Variants in CTXND2 observed in about 807,000 individuals in gnomAD.
CTXND2 encodes the protein cortexin domain containing 2.
intron 1 of CTXND2, among the ~76,000 whole-genome samples, chr1:150,910,630 ATTTTT>A (rs200364038): frequency 7.7e-6 from 1 of 129,884 alleles, no homozygotes; most frequent in Non-Finnish European, 1.6e-5. Flanking sequence ...TGGACTCTCA[ATTTTT>A]TTTTTTTTTT....
chr1:150,912,132 T>C, intron 1 of CTXND2, 110 bp from the exon 2 acceptor site: 1 of 391,418 alleles, frequency 2.6e-6, no homozygotes, highest in Non-Finnish European at 4.5e-6. Context: ...CTTAAGTAAA[T>C]CTTACTGATA....
intron 1 of CTXND2, among the ~76,000 whole-genome samples, chr1:150,896,004 A>C (rs1431349256): frequency 6.6e-6 from 1 of 152,184 alleles, no homozygotes; most frequent in Non-Finnish European, 1.5e-5. Context: ...CTGTCTGTTT[A>C]TAAGACTAGT....
At chr1:150,900,963 T>C (rs752317118) in intron 1 of CTXND2, among the ~76,000 whole-genome samples, 1 of 151,956 alleles carries the variant, frequency 6.6e-6, no homozygotes, top group Non-Finnish European at 1.5e-5. Flanking sequence ...TAAAAATAAA[T>C]TAGCTGCACA....
rs117639769 is a variant in CTXND2, at chr1:150,888,155, T to G, written c.-74+842T>G. ...AAAGTGTATTTCTCAAGAAAAGCTATTTTGCATAAGAATTAAATTTGTTGT... is the reference window on the plus strand; with the variant it reads ...AAAGTGTATTTCTCAAGAAAAGCTAGTTTGCATAAGAATTAAATTTGTTGT... On this transcript the variant is annotated intron_variant, in intron 1 of 1. Coordinates refer to ENST00000636087, the Ensembl canonical transcript of CTXND2. Among the ~76,000 whole-genome samples the G allele has an allele frequency of 1.1e-3, 172 of 152,114 alleles. 1 individual carries two copies. In the East Asian group the frequency reaches 0.03, roughly 27 times the overall value.
At chr1:150,894,600 C>G (rs1668890526) in intron 1 of CTXND2, among the ~76,000 whole-genome samples, 1 of 152,158 alleles carries the variant, frequency 6.6e-6, no homozygotes, top group Non-Finnish European at 1.5e-5. Flanking sequence ...GGTACAAGTG[C>G]AGATTTCTCA....
At chr1:150,898,921 C>CA (rs750129735) in intron 1 of CTXND2, among the ~76,000 whole-genome samples, 49,109 of 125,350 alleles carry the variant, frequency 0.39, 10,723 homozygotes, top group East Asian at 0.53. Flanking sequence ...ACTAAAAATA[C>CA]AAAAAAAAAA....
In CTXND2 at chr1:150,894,625, T is replaced by C. The variant is rs1462032230; in HGVS notation, c.-74+7312T>C. 2.6e-5 allele frequency among the ~76,000 whole-genome samples: 4 copies of C among 152,334 alleles called. No homozygotes were observed. In the East Asian group the frequency reaches 5.8e-4, roughly 22 times the overall value. On this transcript the variant is annotated intron_variant, in intron 1 of 1. Coordinates refer to ENST00000636087, the Ensembl canonical transcript of CTXND2. ...CAGATTTCTCACATGCATATATCAA[T>C]GTGGTAAAGTCTGGACTTTCAGTGT...
In CTXND2 at chr1:150,900,085, A is replaced by C. The variant is rs115530183; in HGVS notation, c.-73-12157A>C. Among the ~76,000 whole-genome samples the C allele has an allele frequency of 8.3e-3, 1,268 of 152,314 alleles. 25 individuals carry two copies. Among genetic ancestry groups the C allele is most frequent in the African/African-American group, 0.029 (1,220 of 41,570 alleles). ...AAAGCTGGCCGCCTGAGCCAGCAGC[A>C]GCAACCCGTTCGGGTCCCTTTCCAC... On this transcript the variant is annotated intron_variant, in intron 1 of 1. Transcript: ENST00000636087.
chr1:150,890,596 C>T (rs888892274), intron 1 of CTXND2, among the ~76,000 whole-genome samples: 2 of 152,088 alleles, frequency 1.3e-5, no homozygotes, highest in African/African-American at 4.8e-5. Context: ...CTCTGCCTCC[C>T]GGGTTCAAGC....
At chr1:150,910,120 GTTTT>G (rs1023134562) in intron 1 of CTXND2, among the ~76,000 whole-genome samples, 1 of 131,238 alleles carries the variant, frequency 7.6e-6, no homozygotes, top group Non-Finnish European at 1.7e-5. Flanking sequence ...TCTTTTTTCT[GTTTT>G]TTTTTTTTCT....
chr1:150,902,118 TTGGC>T (rs1669048613), intron 1 of CTXND2, among the ~76,000 whole-genome samples: 1 of 149,962 alleles, frequency 6.7e-6, no homozygotes, highest in Non-Finnish European at 1.5e-5. Flanking sequence ...ATACAAAAAT[TTGGC>T]TGGGCGCCGT....
rs587665450 is a variant in CTXND2, at chr1:150,888,372, C to A, written c.-74+1059C>A. Among the ~76,000 whole-genome samples, 18 of 151,786 alleles carry A rather than the reference C, an allele frequency of 1.2e-4. No individual in the cohort carries two copies. In the South Asian group the frequency reaches 3.3e-3, roughly 28 times the overall value. ...GGGACTACAGGCGTGCACCACCATG[C>A]CTGGCTAATTTTTTGTACTTTTTAG... On this transcript the variant is annotated intron_variant, in intron 1 of 1. Coordinates refer to ENST00000636087, the Ensembl canonical transcript of CTXND2.
chr1:150,905,865 C>G (rs1297262305), intron 1 of CTXND2, among the ~76,000 whole-genome samples: 1 of 152,046 alleles, frequency 6.6e-6, no homozygotes, highest in African/African-American at 2.4e-5. Flanking sequence ...TGGCAGGCAC[C>G]TGTAGTCCCA....
chr1:150,899,843 G>A (rs1161606686), intron 1 of CTXND2, among the ~76,000 whole-genome samples: 1 of 152,132 alleles, frequency 6.6e-6, no homozygotes, highest in Non-Finnish European at 1.5e-5. Flanking sequence ...GAAGCTATCT[G>A]GACTTCCTGG....
chr1:150,899,884 C>G (rs969715298), intron 1 of CTXND2, among the ~76,000 whole-genome samples: 2 of 152,134 alleles, frequency 1.3e-5, no homozygotes, highest in Admixed American at 1.3e-4. Flanking sequence ...ACTTTTCTGT[C>G]TAGCTAAAGG....
Position 150,891,036 on chromosome 1 carries a change from T to C in CTXND2, c.-74+3723T>C, listed in dbSNP as rs1234052318. Among the ~76,000 whole-genome samples the C allele has an allele frequency of 2.0e-5, 3 of 152,122 alleles. No homozygotes were observed. The East Asian group carries it at 5.8e-4, about 29-fold the overall frequency. On this transcript the variant is annotated intron_variant, in intron 1 of 1. Coordinates refer to ENST00000636087, the Ensembl canonical transcript of CTXND2. Reference sequence around the variant, plus strand: ...GATGAAGGTTGTACTGTTCATACCCTACACCCAAGAGAAGCAGCATGTTCC... The same window carrying C: ...GATGAAGGTTGTACTGTTCATACCCCACACCCAAGAGAAGCAGCATGTTCC...
intron 1 of CTXND2, among the ~76,000 whole-genome samples, chr1:150,909,907 G>C (rs587670006): frequency 6.6e-6 from 1 of 152,080 alleles, no homozygotes; most frequent in South Asian, 2.1e-4. Flanking sequence ...ACAATGTGTA[G>C]GAAAACAGGA....
chr1:150,901,494 A>G (rs1392908735), intron 1 of CTXND2, among the ~76,000 whole-genome samples: 1 of 152,246 alleles, frequency 6.6e-6, no homozygotes, highest in Admixed American at 6.5e-5. Flanking sequence ...ATTTCAAAAC[A>G]CTACAAAGCT....
chr1:150,905,104 A>AC (rs60410393), intron 1 of CTXND2, among the ~76,000 whole-genome samples: 4 of 143,748 alleles, frequency 2.8e-5, no homozygotes, highest in Middle Eastern at 3.5e-3. Context: ...ACACACACAC[A>AC]AATCACCCTT....
Sources: gnomAD v4.1 joint callset for allele counts (sites outside exome capture counted in the v4.1 genomes callset) on GRCh38, gnomAD v4.1.1 for gene constraint, MANE v1.5 for transcripts, NCBI Gene and HGNC (gene_info 2026-07-23, HGNC 2026-07-21) for gene names.